The following ENTPD7 variants were observed in gnomAD, a reference collection of about 807,000 sequenced individuals.
ENTPD7 encodes NTPDase 7.
In ENTPD7, 53 loss-of-function variants were observed where a neutral mutation model predicts 77.9. That is an observed-to-expected ratio of 0.68 (90% CI 0.55 to 0.85). The LOEUF (loss-of-function observed/expected upper bound fraction) is 0.85, where lower values mean the gene tolerates loss of function less well. ENTPD7 is among the 40% of genes least tolerant of loss of function. The pLI is 0.00. For synonymous variants in ENTPD7, 248 were observed against 274.9 expected (o/e 0.90, Z 0.97); for missense variants, 636 against 743.7 (o/e 0.86, Z 1.68).
At chr10:99,672,136 C>T (rs1241630720) in intron 3 of ENTPD7, among the ~76,000 whole-genome samples, 2 of 152,014 alleles carry the variant, frequency 1.3e-5, no homozygotes, top group Non-Finnish European at 2.9e-5. Flanking sequence ...TGCATGCCAC[C>T]GTGCCTGGCT....
chr10:99,674,737 G>T (rs2035659598), intron 3 of ENTPD7, among the ~76,000 whole-genome samples: 1 of 152,128 alleles, frequency 6.6e-6, no homozygotes, highest in Admixed American at 6.5e-5. Context: ...CTTGACTGTT[G>T]TCATGTTTTT....
Position 99,704,709 on chromosome 10 carries a change from G to C in ENTPD7, c.*26G>C. The stretch of plus-strand genomic sequence containing the variant: ...GGCTGGACCAGGACTAGAGAAGCTT[G>C]AGCACCCCCGAGTTGCTGCTCATTG... On this transcript the variant is annotated 3_prime_UTR_variant, in exon 13 of 13. Coordinates refer to ENST00000370489, the MANE Select transcript of ENTPD7 (RefSeq NM_020354.5). The C allele has an allele frequency of 6.3e-7, 1 of 1,590,600 alleles. No individual in the cohort carries two copies. The highest frequency in any genetic ancestry group is 8.6e-7 in the Non-Finnish European group (1 of 1,165,686).
intron 5 of ENTPD7, among the ~76,000 whole-genome samples, chr10:99,685,023 C>T (rs369139145): frequency 1.3e-5 from 2 of 152,006 alleles, no homozygotes; most frequent in East Asian, 1.9e-4. Context: ...TTTGGGAGGC[C>T]GAGGCAGGTG....
rs919027006 is a variant in ENTPD7, at chr10:99,711,158, T to C, written c.*6475T>C. The C allele has an allele frequency of 3.0e-6, 3 of 985,088 alleles. No individual in the cohort carries two copies. Among genetic ancestry groups the C allele is most frequent in the African/African-American group, 1.7e-5 (1 of 57,226 alleles). 61.0% of individuals were successfully genotyped at this position (985,088 alleles called of 1,614,324 possible). ...AGCTCATAGATATAATACAGTTATATAGCTAAATGCAACCAGTTGTTTTTC... is the reference window on the plus strand; with the variant it reads ...AGCTCATAGATATAATACAGTTATACAGCTAAATGCAACCAGTTGTTTTTC... On this transcript the variant is annotated 3_prime_UTR_variant, in exon 13 of 13. Transcript: ENST00000370489.
intron 8 of ENTPD7, among the ~76,000 whole-genome samples, chr10:99,693,693 G>T (rs935607250): frequency 3.3e-5 from 5 of 152,184 alleles, no homozygotes; most frequent in Admixed American, 2.0e-4. Flanking sequence ...CAAGGCGGGT[G>T]GATCACCTGA....
At chr10:99,688,046 A>G (rs1288058463) in intron 6 of ENTPD7, among the ~76,000 whole-genome samples, 2 of 152,150 alleles carry the variant, frequency 1.3e-5, no homozygotes, top group Non-Finnish European at 2.9e-5. Context: ...AAGGTTAGAG[A>G]GAACAAAATA....
Position 99,659,751 on chromosome 10 carries a change from A to C in ENTPD7, c.-95-111A>C. ...GGGTAGGGTCCCCTGGGCCTGAGGA[A>C]CCAGAGCAGACGGAGCGGGAGCCTG... On this transcript the variant is annotated intron_variant, in intron 1 of 12. Transcript: ENST00000370489. The surrounding 1 kb of genome is among the most constrained non-coding windows in gnomAD (Gnocchi z 4.1). The C allele has an allele frequency of 1.1e-5, 7 of 615,888 alleles. No individual in the cohort carries two copies. The highest frequency in any genetic ancestry group is 1.6e-5 in the Non-Finnish European group (6 of 364,784). 38.2% of individuals were successfully genotyped at this position (615,888 alleles called of 1,614,324 possible).
intron 11 of ENTPD7, among the ~76,000 whole-genome samples, chr10:99,701,877 G>A (rs990929462): frequency 6.6e-6 from 1 of 151,722 alleles, no homozygotes; most frequent in African/African-American, 2.4e-5. Flanking sequence ...GCGAAACCCT[G>A]TCTCCACTAA....
Position 99,702,560 on chromosome 10 carries a change from A to C in ENTPD7, c.1470A>C (p.Gly490=). 1 of 1,611,774 alleles carries C rather than the reference A, an allele frequency of 6.2e-7. No individual in the cohort carries two copies. Among genetic ancestry groups the C allele is most frequent in the Non-Finnish European group, 8.5e-7 (1 of 1,178,986 alleles). ...GGATGTACCAAGTCTTACATGAAGG[A>C]TTCCACTTTCCCTATGACTACCCAA... ...SAWMYQVLHE[G]FHFPYDYPNL... Residue 490 remains glycine, a synonymous_variant, in exon 12 of 13, where the codon GGA becomes GGC. Coordinates refer to ENST00000370489, the MANE Select transcript of ENTPD7 (RefSeq NM_020354.5).
rs111784385 is a variant in ENTPD7 at position 99,693,646 on chromosome 10, G to A, written c.843+2128G>A. 6.8e-3 allele frequency among the ~76,000 whole-genome samples: 1,032 copies of A among 152,290 alleles called. 15 individuals are homozygous for A. Among genetic ancestry groups the A allele is most frequent in the African/African-American group, 0.024 (983 of 41,544 alleles). The stretch of plus-strand genomic sequence containing the variant: ...GATTTACATATAGCAGGCCGGGCAC[G>A]GTGGCTGACGCCTGTAATCCCAGCA... On this transcript the variant is annotated intron_variant, in intron 8 of 12. Coordinates refer to ENST00000370489, the MANE Select transcript of ENTPD7 (RefSeq NM_020354.5).
intron 7 of ENTPD7, among the ~76,000 whole-genome samples, chr10:99,690,624 C>T (rs756048486): frequency 4.6e-5 from 7 of 151,152 alleles, no homozygotes; most frequent in Admixed American, 4.6e-4. Flanking sequence ...CTCACTACAA[C>T]CTCCGCCTGT....
intron 11 of ENTPD7, 113 bp from the exon 12 acceptor site, chr10:99,702,399 C>A: frequency 1.2e-6 from 1 of 851,586 alleles, no homozygotes; most frequent in Non-Finnish European, 1.7e-6. Context: ...GAAGGTGAAG[C>A]GGGAGGAGGT....
In ENTPD7 at chr10:99,708,821, T is replaced by TA; in HGVS notation, c.*4139dup. 1.0e-6 allele frequency: 1 copy of TA among 985,450 alleles called. No homozygotes were observed. Among genetic ancestry groups the TA allele is most frequent in the South Asian group, 4.7e-5 (1 of 21,286 alleles). The allele number at this position is 985,450 out of a possible 1,614,324, so 61.0% of individuals were successfully genotyped here. On this transcript the variant is annotated 3_prime_UTR_variant, in exon 13 of 13. Transcript: ENST00000370489. Reference sequence around the variant, plus strand: ...TGCAAAGTCATAGTGACTGGCCTCCTAGCCCAACTACTTTGTCAGCTACAA... The same window carrying TA: ...TGCAAAGTCATAGTGACTGGCCTCCTAAGCCCAACTACTTTGTCAGCTACAA...
intron 3 of ENTPD7, among the ~76,000 whole-genome samples, chr10:99,677,880 C>T (rs2035704935): frequency 6.6e-6 from 1 of 152,158 alleles, no homozygotes; most frequent in Non-Finnish European, 1.5e-5. Context: ...AGTTTATTAA[C>T]TTGCCTAAGG....
Position 99,679,708 on chromosome 10 carries a change from GTTTGT to G in ENTPD7, c.398-13_398-9del, listed in dbSNP as rs747377660. On this transcript the variant is annotated splice_polypyrimidine_tract_variant and intron_variant, in intron 4 of 12. Coordinates refer to ENST00000370489, the MANE Select transcript of ENTPD7 (RefSeq NM_020354.5). The stretch of plus-strand genomic sequence containing the variant: ...TTTTTAAAGAAAGTTTTGTCTGTTT[GTTTGT>G]TTTAACTTAAGGAATCTCTGCAATG... The G allele has an allele frequency of 5.6e-6, 9 of 1,598,942 alleles. No individual in the cohort carries two copies. The Admixed American group carries it at 1.2e-4, about 22-fold the overall frequency.
At chr10:99,689,778 G>A (rs954812195) in intron 7 of ENTPD7, among the ~76,000 whole-genome samples, 1 of 152,104 alleles carries the variant, frequency 6.6e-6, no homozygotes, top group Non-Finnish European at 1.5e-5. Flanking sequence ...ATCATTGCTT[G>A]GACATGTTTT....
chr10:99,702,553 A>G lies in ENTPD7; in HGVS notation c.1463A>G (p.His488Arg), dbSNP rs538030904. The G allele has an allele frequency of 1.2e-6, 2 of 1,609,848 alleles. No homozygotes were observed. The highest frequency in any genetic ancestry group is 1.7e-6 in the Non-Finnish European group (2 of 1,178,102). ...TCGGCTTGGATGTACCAAGTCTTAC[A>G]TGAAGGATTCCACTTTCCCTATGAC... ...FKSAWMYQVL[H>R]EGFHFPYDYP... The change falls in exon 12 of 13, where the codon CAT becomes CGT. Residue 488 changes from histidine to arginine, a missense_variant. This residue lies in a region of ENTPD7 where 138 missense variants were observed against 150.9 expected (regional missense o/e 0.91). Coordinates refer to ENST00000370489, the MANE Select transcript of ENTPD7 (RefSeq NM_020354.5).
At chr10:99,699,598 T>C (rs928650802) in intron 10 of ENTPD7, among the ~76,000 whole-genome samples, 1 of 152,194 alleles carries the variant, frequency 6.6e-6, no homozygotes, top group African/African-American at 2.4e-5. Context: ...GGGGTCTCGC[T>C]CTGTAGCCCA....
intron 3 of ENTPD7, among the ~76,000 whole-genome samples, chr10:99,673,507 G>A (rs2035640960): frequency 6.6e-6 from 1 of 152,158 alleles, no homozygotes; most frequent in Non-Finnish European, 1.5e-5. Flanking sequence ...CTGTTCTTTA[G>A]TTACTAGTTT....
Sources: gnomAD v4.1 joint callset for allele counts (sites outside exome capture counted in the v4.1 genomes callset) on GRCh38, gnomAD v4.1.1 for gene constraint, gnomAD v4.1.1 regional missense constraint, Gnocchi (gnomAD v3.1) non-coding constraint, MANE v1.5 for transcripts, NCBI Gene and HGNC (gene_info 2026-07-23, HGNC 2026-07-21) for gene names.